The following ADAM32 variants were observed in gnomAD, a reference collection of about 807,000 sequenced individuals.
ADAM32 encodes disintegrin and metalloproteinase domain-containing protein 32.
Under a neutral mutation model 114.9 loss-of-function variants are expected in ADAM32, and 89 were observed. That is an observed-to-expected ratio of 0.77 (90% CI 0.65 to 0.92). The LOEUF (loss-of-function observed/expected upper bound fraction) is 0.92. Among genes scored for constraint, ADAM32 ranks in the 40% least tolerant of loss-of-function variants. The pLI, the probability that ADAM32 is intolerant of heterozygous loss-of-function variation, is 0.00. For synonymous variants in ADAM32, 285 were observed against 307.5 expected, an observed-to-expected ratio of 0.93 and a Z score of 0.77; for missense variants, 870 against 932.8, an observed-to-expected ratio of 0.93 and a Z score of 0.88.
chr8:39,126,218 T>C (rs770894441), intron 2 of ADAM32, among the ~76,000 whole-genome samples: 25 of 152,150 alleles, frequency 1.6e-4, no homozygotes, highest in Admixed American at 5.2e-4. Context: ...ATGTCAATGG[T>C]AGTGTAATGG....
At chr8:39,187,608 G>A (rs958239720) in intron 11 of ADAM32, among the ~76,000 whole-genome samples, 3 of 152,062 alleles carry the variant, frequency 2.0e-5, no homozygotes, top group Non-Finnish European at 4.4e-5. Context: ...CATAATAAGT[G>A]GCCTTTGTTT....
rs533415025 is a variant in ADAM32, at chr8:39,154,649, C to A, written c.525+3101C>A. Among the ~76,000 whole-genome samples the A allele has an allele frequency of 2.4e-4, 37 of 152,300 alleles. 1 individual carries two copies. The highest frequency in any genetic ancestry group is 6.8e-3 in the Middle Eastern group (2 of 294). ...CACAATGGTTGAACTAATTTACACTCCCACCAACAGTGTAAAAGCATTCCT... is the reference window on the plus strand; with the variant it reads ...CACAATGGTTGAACTAATTTACACTACCACCAACAGTGTAAAAGCATTCCT... On this transcript the variant is annotated intron_variant, in intron 6 of 24. Transcript: ENST00000379907.
intron 20 of ADAM32, among the ~76,000 whole-genome samples, chr8:39,273,837 T>A (rs186570634): frequency 2.0e-5 from 3 of 152,114 alleles, no homozygotes; most frequent in East Asian, 1.9e-4. Context: ...ATGCGAGGAA[T>A]GGAAAGGGAA....
At chr8:39,244,951 G>C (rs1403025758) in intron 16 of ADAM32, among the ~76,000 whole-genome samples, 1 of 152,146 alleles carries the variant, frequency 6.6e-6, no homozygotes, top group African/African-American at 2.4e-5. Context: ...CTTAGGTAAA[G>C]AGTTCATGAA....
intron 10 of ADAM32, among the ~76,000 whole-genome samples, chr8:39,172,445 C>A (rs567703409): frequency 6.6e-6 from 1 of 152,174 alleles, no homozygotes; most frequent in South Asian, 2.1e-4. Flanking sequence ...AGTATTAAGC[C>A]CCACATACAT....
chr8:39,255,733 A>C (rs890647936), intron 18 of ADAM32, among the ~76,000 whole-genome samples: 2 of 152,034 alleles, frequency 1.3e-5, no homozygotes, highest in African/African-American at 4.8e-5. Flanking sequence ...AAATTTAATT[A>C]AGTCCCTTCT....
rs575624029 is a variant in ADAM32, at chr8:39,109,934, T to G, written c.58+2101T>G. On this transcript the variant is annotated intron_variant, in intron 1 of 24. Coordinates refer to ENST00000379907, the MANE Select transcript of ADAM32 (RefSeq NM_145004.7). ...CCCTGGCAACAACTCATCTCCTTAGTCTTCTTAGTTTTGCCTTTTCCAGAG... is the reference window on the plus strand; with the variant it reads ...CCCTGGCAACAACTCATCTCCTTAGGCTTCTTAGTTTTGCCTTTTCCAGAG... Among the ~76,000 whole-genome samples, 14 of 152,318 alleles carry G rather than the reference T, an allele frequency of 9.2e-5. No individual in the cohort carries two copies. The South Asian group carries it at 2.5e-3, about 27-fold the overall frequency.
At chr8:39,263,580 A>G (rs1186892126) in intron 19 of ADAM32, among the ~76,000 whole-genome samples, 1 of 152,078 alleles carries the variant, frequency 6.6e-6, no homozygotes, top group African/African-American at 2.4e-5. Context: ...ACTGGGATAT[A>G]ATTTACATAT....
chr8:39,275,672 T>A (rs1813028751), intron 21 of ADAM32, among the ~76,000 whole-genome samples, 156 bp from the exon 22 acceptor site: 2 of 152,272 alleles, frequency 1.3e-5, no homozygotes, highest in Admixed American at 1.3e-4. Flanking sequence ...TGTTTGCATA[T>A]GCTAATTTAG....
intron 10 of ADAM32, among the ~76,000 whole-genome samples, chr8:39,170,930 GT>G (rs1805145747): frequency 6.6e-6 from 1 of 151,936 alleles, no homozygotes. Context: ...GAAGGAATAA[GT>G]TCTAGTATAT....
At chr8:39,200,121 C>T (rs1427284313) in intron 11 of ADAM32, among the ~76,000 whole-genome samples, 2 of 152,246 alleles carry the variant, frequency 1.3e-5, no homozygotes, top group African/African-American at 2.4e-5. Context: ...ATTTATAATC[C>T]TTTGGGTATA....
At chr8:39,148,268 G>T (rs1382666575) in intron 4 of ADAM32, among the ~76,000 whole-genome samples, 1 of 152,028 alleles carries the variant, frequency 6.6e-6, no homozygotes, top group Non-Finnish European at 1.5e-5. Context: ...CTTTGTTCCA[G>T]CATTGTTGTT....
intron 11 of ADAM32, among the ~76,000 whole-genome samples, chr8:39,207,359 G>T (rs1023740156): frequency 1.3e-5 from 2 of 151,912 alleles, no homozygotes; most frequent in Non-Finnish European, 2.9e-5. Context: ...TTGATAATTT[G>T]ATTTATATAT....
intron 21 of ADAM32, 108 bp downstream of exon 21, chr8:39,274,458 A>T: frequency 8.1e-7 from 1 of 1,234,984 alleles, no homozygotes; most frequent in East Asian, 2.4e-5. Flanking sequence ...TTGGTAAAGC[A>T]ATGCACTAAA....
chr8:39,218,046 G>A (rs1324848230), intron 12 of ADAM32, among the ~76,000 whole-genome samples: 1 of 151,830 alleles, frequency 6.6e-6, no homozygotes, highest in Non-Finnish European at 1.5e-5. Flanking sequence ...GGACTTAAGT[G>A]CTGTGATTTA....
rs1474519926 is a variant in ADAM32, at chr8:39,164,692, T to G, written c.595-72T>G. Reference sequence around the variant, plus strand: ...CAAAGCAGCCTTACACCTCTGACAGTAGATGGAAAAGAATCTTAAAAATAC... The same window carrying G: ...CAAAGCAGCCTTACACCTCTGACAGGAGATGGAAAAGAATCTTAAAAATAC... On this transcript the variant is annotated intron_variant, in intron 7 of 24. Transcript: ENST00000379907. 5 of 1,189,088 alleles carry G rather than the reference T, an allele frequency of 4.2e-6. No individual in the cohort carries two copies. In the East Asian group the frequency reaches 7.9e-5, roughly 19 times the overall value. The allele number at this position is 1,189,088 out of a possible 1,614,324, so 73.7% of individuals were successfully genotyped here. A position where few individuals can be genotyped will look rare whatever the true frequency, so the allele number is the denominator to read the frequency against.
rs1588449236 is a variant in ADAM32 at position 39,107,815 on chromosome 8, C to T, written c.40C>T (p.Leu14Phe). 6 of 1,548,002 alleles carry T rather than the reference C, an allele frequency of 3.9e-6. No homozygotes were observed. The highest frequency in any genetic ancestry group is 5.2e-6 in the Non-Finnish European group (6 of 1,145,686). Residue 14 changes from leucine to phenylalanine, a missense_variant, in exon 1 of 25, where the codon CTC becomes TTC. Transcript: ENST00000379907. ...LWLLLAGLCG[L>F]LASRPGFQNS... Reference sequence around the variant, plus strand: ...GTTGCTGCTGGCCGGGCTCTGCGGCCTCCTGGCGTCAAGACCCGGTGAGCC... The same window carrying T: ...GTTGCTGCTGGCCGGGCTCTGCGGCTTCCTGGCGTCAAGACCCGGTGAGCC...
chr8:39,253,318 A>C (rs1811423069), intron 17 of ADAM32, among the ~76,000 whole-genome samples: 1 of 151,706 alleles, frequency 6.6e-6, no homozygotes, highest in Non-Finnish European at 1.5e-5. Context: ...AGCTAAAATT[A>C]TACTCAATGG....
In ADAM32 at chr8:39,254,657, A is replaced by G. The variant is rs1224836915; in HGVS notation, c.2005+141A>G. The G allele has an allele frequency of 1.9e-5, 11 of 569,458 alleles. No individual in the cohort carries two copies. In the East Asian group the frequency reaches 3.6e-4, roughly 19 times the overall value. 35.3% of individuals were successfully genotyped at this position (569,458 alleles called of 1,614,324 possible). Reference sequence around the variant, plus strand: ...TAATCAGAATTCTCTCAAGGAATGGAAACCAAACATGCCATCTTAATCTTG... The same window carrying G: ...TAATCAGAATTCTCTCAAGGAATGGGAACCAAACATGCCATCTTAATCTTG... On this transcript the variant is annotated intron_variant, in intron 18 of 24. Transcript: ENST00000379907.
Sources: gnomAD v4.1 joint callset for allele counts (sites outside exome capture counted in the v4.1 genomes callset) on GRCh38, gnomAD v4.1.1 for gene constraint, MANE v1.5 for transcripts, NCBI Gene and HGNC (gene_info 2026-07-23, HGNC 2026-07-21) for gene names.